SNAP91: variants seen among roughly 807,000 people sequenced by gnomAD.
SNAP91 encodes the protein synaptosome associated protein 91.
A neutral mutation model predicts 100.3 loss-of-function variants in SNAP91; 27 were observed. The observed-to-expected ratio is 0.27, with a 90% CI of 0.20 to 0.37. The LOEUF is 0.37. Ranked by LOEUF, SNAP91 falls within the 10% of genes least tolerant of loss-of-function variation. The pLI, the probability that SNAP91 is intolerant of heterozygous loss-of-function variation, is 1.00. For synonymous variants in SNAP91, 404 were observed against 398.6 expected, an observed-to-expected ratio of 1.01 and a Z score of -0.16; for missense variants, 986 against 1,123.7, an observed-to-expected ratio of 0.88 and a Z score of 1.75.
intron 12 of SNAP91, among the ~76,000 whole-genome samples, chr6:83,608,173 T>TA (rs1047484180): frequency 2.6e-5 from 4 of 152,230 alleles, no homozygotes; most frequent in South Asian, 2.1e-4. Context: ...TAATAATTGC[T>TA]AAAAAAACCA....
intron 22 of SNAP91, among the ~76,000 whole-genome samples, chr6:83,585,995 G>A (rs1040846159): frequency 7.2e-5 from 11 of 151,774 alleles, no homozygotes; most frequent in African/African-American, 2.2e-4. Context: ...GGATTACAGC[G>A]TGTGTCACTA....
At chr6:83,605,323 T>C (rs138717941) in intron 14 of SNAP91, among the ~76,000 whole-genome samples, 13 of 152,148 alleles carry the variant, frequency 8.5e-5, no homozygotes, top group African/African-American at 3.1e-4. Flanking sequence ...TGAGTAACCA[T>C]AAATTAAGGG....
In SNAP91 at chr6:83,575,123, T is replaced by C. The variant is rs750612387; in HGVS notation, c.2331-2A>G. The stretch of plus-strand genomic sequence containing the variant: ...CCAGCATTCCACTGAAGATCTCCCC[T>C]AAAATTAACCATGCAAAACAAGCAA... On this transcript the variant is annotated splice_acceptor_variant, in intron 25 of 29. Transcript: ENST00000369694. LOFTEE classifies it high-confidence loss of function. 6.3e-7 allele frequency: 1 copy of C among 1,592,028 alleles called. No homozygotes were observed.
At chr6:83,702,024 A>C (rs564409038) in intron 2 of SNAP91, among the ~76,000 whole-genome samples, 1 of 152,340 alleles carries the variant, frequency 6.6e-6, no homozygotes, top group Non-Finnish European at 1.5e-5. Flanking sequence ...AAAGAAAAAA[A>C]TAGGGTAACT....
At chr6:83,598,830 T>C (rs903441596) in intron 16 of SNAP91, among the ~76,000 whole-genome samples, 33 of 152,266 alleles carry the variant, frequency 2.2e-4, no homozygotes, top group African/African-American at 7.5e-4. Context: ...AGAAAATCAC[T>C]GAAAATCACA....
intron 3 of SNAP91, among the ~76,000 whole-genome samples, chr6:83,664,547 T>G (rs891203166): frequency 5.9e-5 from 9 of 152,252 alleles, no homozygotes; most frequent in African/African-American, 2.2e-4. Flanking sequence ...GAATTGGACA[T>G]GGAGCCTGAA....
chr6:83,689,912 C>T (rs2099109803), intron 2 of SNAP91, among the ~76,000 whole-genome samples: 1 of 151,948 alleles, frequency 6.6e-6, no homozygotes, highest in Admixed American at 6.6e-5. Flanking sequence ...TATAAAATTT[C>T]ATCTTAAGTA....
intron 23 of SNAP91, among the ~76,000 whole-genome samples, chr6:83,581,909 T>A (rs1188541973): frequency 1.3e-5 from 2 of 152,238 alleles, no homozygotes; most frequent in Non-Finnish European, 2.9e-5. Flanking sequence ...GTACAAAGTA[T>A]CTGTTTTTCT....
intron 14 of SNAP91, among the ~76,000 whole-genome samples, chr6:83,605,403 T>A (rs556068168): frequency 5.7e-4 from 87 of 152,204 alleles, no homozygotes; most frequent in African/African-American, 2.1e-3. Flanking sequence ...TTTAGAGTAG[T>A]AATAAAAAAG....
At chr6:83,668,651 A>G (rs2098730374) in intron 2 of SNAP91, among the ~76,000 whole-genome samples, 1 of 152,132 alleles carries the variant, frequency 6.6e-6, no homozygotes, top group African/African-American at 2.4e-5. Flanking sequence ...GGACACAGGA[A>G]GGGGAACATC....
In SNAP91 at chr6:83,629,768, GT is replaced by G. The variant is rs2097131185; in HGVS notation, c.766-6427del. Among the ~76,000 whole-genome samples the G allele has an allele frequency of 8.5e-5, 13 of 152,172 alleles. 1 individual carries two copies. Among genetic ancestry groups the G allele is most frequent in the Admixed American group, 8.5e-4 (13 of 15,260 alleles). On this transcript the variant is annotated intron_variant, in intron 8 of 29. Transcript: ENST00000369694. ...AGAGCTTTCTGGAGGAGTCTTTAGG[GT>G]TTTTTAGGTAAGCAATCATATCATC...
chr6:83,611,313 C>A (rs2096058081), intron 11 of SNAP91: 1 of 323,236 alleles, frequency 3.1e-6, no homozygotes, highest in Non-Finnish European at 6.2e-6. Context: ...AACTTCGATG[C>A]TTTTTTCTAA....
At chr6:83,564,507 T>A (rs1231515975) in intron 26 of SNAP91, among the ~76,000 whole-genome samples, 1 of 151,898 alleles carries the variant, frequency 6.6e-6, no homozygotes, top group Non-Finnish European at 1.5e-5. Context: ...GAACCACAGG[T>A]GCATGCCACT....
intron 7 of SNAP91, among the ~76,000 whole-genome samples, chr6:83,651,214 A>T (rs930130433): frequency 6.6e-6 from 1 of 151,294 alleles, no homozygotes; most frequent in African/African-American, 2.4e-5. Flanking sequence ...TGGTTTCATC[A>T]TTTTTTTCTA....
rs1392805405 is a variant in SNAP91, at chr6:83,560,272, C to T, written c.2527-64G>A. The T allele has an allele frequency of 2.5e-5, 28 of 1,121,844 alleles. No homozygotes were observed. The Admixed American group carries it at 5.7e-4, about 23-fold the overall frequency. The allele number at this position is 1,121,844 out of a possible 1,614,324, so 69.5% of individuals were successfully genotyped here. ...GGAACTCACTAGGGCACTATCCTGA[C>T]ATTTATTGCTTTTATGTACTTCTGA... On this transcript the variant is annotated intron_variant, in intron 27 of 29. Coordinates refer to ENST00000369694, the MANE Select transcript of SNAP91 (RefSeq NM_001242792.2).
At chr6:83,685,098 A>G (rs1013248927) in intron 2 of SNAP91, among the ~76,000 whole-genome samples, 2 of 152,224 alleles carry the variant, frequency 1.3e-5, no homozygotes, top group African/African-American at 4.8e-5. Flanking sequence ...AAACAAGACA[A>G]GAATTATGAT....
intron 2 of SNAP91, among the ~76,000 whole-genome samples, chr6:83,684,573 A>G (rs1260545012): frequency 6.6e-6 from 1 of 152,122 alleles, no homozygotes; most frequent in South Asian, 2.1e-4. Context: ...ATACACCTTT[A>G]TAGCTCATCT....
At chr6:83,563,641 A>G (rs1791959290) in intron 26 of SNAP91, among the ~76,000 whole-genome samples, 1 of 152,230 alleles carries the variant, frequency 6.6e-6, no homozygotes, top group Admixed American at 6.5e-5. Flanking sequence ...TGTCAAAGCT[A>G]ATAAACATGT....
At chr6:83,614,591 A>G (rs1281042591) in intron 11 of SNAP91, among the ~76,000 whole-genome samples, 1 of 152,140 alleles carries the variant, frequency 6.6e-6, no homozygotes, top group Non-Finnish European at 1.5e-5. Flanking sequence ...TTTCATTTCT[A>G]AAATCTGAGG....
Sources: allele counts gnomAD v4.1 joint callset (sites outside exome capture counted in the v4.1 genomes callset), GRCh38; gene constraint gnomAD v4.1.1; transcripts MANE v1.5; gene names NCBI Gene and HGNC (gene_info 2026-07-23, HGNC 2026-07-21).